CYB561A3: variants seen among roughly 807,000 people sequenced by gnomAD.
CYB561A3 encodes the protein lysosomal membrane ascorbate-dependent ferrireductase CYB561A3.
CYB561A3 carries 16 observed loss-of-function variants against 25.3 expected under a neutral mutation model. The ratio of observed to expected loss-of-function variants is 0.63; its 90% CI spans 0.43 to 0.96. The LOEUF is 0.96. Ranked by LOEUF, CYB561A3 falls within the 40% of genes least tolerant of loss-of-function variation. The pLI is 0.00. For synonymous variants in CYB561A3, 131 were observed against 129.9 expected (o/e 1.01, Z -0.06); for missense variants, 219 against 307.5 (o/e 0.71, Z 2.15).
intron 1 of CYB561A3, chr11:61,358,583 G>A (rs1857729539): frequency 6.6e-6 from 1 of 152,066 alleles, no homozygotes; most frequent in Admixed American, 6.6e-5. Flanking sequence ...AAATTAGCTG[G>A]GCATGGTGGC....
At chr11:61,354,344 GAAAT>G (rs997092993) in intron 3 of CYB561A3, 16 of 259,372 alleles carry the variant, frequency 6.2e-5, no homozygotes, top group East Asian at 1.8e-4. Context: ...GCCACAGAGA[GAAAT>G]AAATAAATAA....
chr11:61,351,083 T>C lies in CYB561A3; in HGVS notation c.613A>G (p.Met205Val). 6.2e-7 allele frequency: 1 copy of C among 1,613,956 alleles called. No homozygotes were observed. The highest frequency in any genetic ancestry group is 8.5e-7 in the Non-Finnish European group (1 of 1,179,962). The change falls in exon 6 of 7, where the codon ATG (methionine) becomes GTG (valine). Residue 205 changes from methionine to valine, a missense_variant. Transcript: ENST00000294072. The part of the protein sequence containing the change: ...SEAVFANSTG[M>V]LVVAFGLLVL... ...AGCAGCCCAAAGGCCACCACCAGCA[T>C]CCCGGTGCTGTTGGCAAAGACCGCC...
intron 3 of CYB561A3, chr11:61,354,377 G>T: frequency 4.6e-6 from 1 of 215,418 alleles, no homozygotes; most frequent in South Asian, 7.3e-5. Context: ...CAATTAAAAA[G>T]GGAGGAGGGC....
intron 5 of CYB561A3, chr11:61,351,655 C>A (rs1857416590): frequency 6.6e-6 from 1 of 152,072 alleles, no homozygotes; most frequent in Admixed American, 6.5e-5. Flanking sequence ...GCGGCTCACT[C>A]TTGTAATCCC....
rs1246451603 is a variant in CYB561A3, at chr11:61,349,320, G to A, written c.*1079C>T. 3.8e-6 allele frequency: 2 copies of A among 520,764 alleles called. No individual in the cohort carries two copies. Among genetic ancestry groups the A allele is most frequent in the Non-Finnish European group, 7.0e-6 (2 of 285,606 alleles). The allele number at this position is 520,764 out of a possible 1,614,324, so 32.3% of individuals were successfully genotyped here. A position where few individuals can be genotyped will look rare whatever the true frequency, so the allele number is the denominator to read the frequency against. ...TCAGCAAGGAACCCCTCTGAAGGTGGCAGTGGCTCCCAGGGCTGCTGCACA... is the reference window on the plus strand; with the variant it reads ...TCAGCAAGGAACCCCTCTGAAGGTGACAGTGGCTCCCAGGGCTGCTGCACA... On this transcript the variant is annotated 3_prime_UTR_variant, in exon 7 of 7. Coordinates refer to ENST00000294072, the MANE Select transcript of CYB561A3 (RefSeq NM_153611.6).
chr11:61,348,768 A>G (rs940121038), downstream of CYB561A3: 1 of 152,544 alleles, frequency 6.6e-6, no homozygotes, highest in African/African-American at 2.4e-5. Flanking sequence ...CACCCAGGCT[A>G]TTATATTTTT....
intron 4 of CYB561A3, chr11:61,353,515 AT>A: frequency 3.0e-6 from 2 of 676,010 alleles, no homozygotes; most frequent in Non-Finnish European, 5.4e-6. Context: ...CAGATGGCTG[AT>A]TAGAGTCAGC....
intron 5 of CYB561A3, chr11:61,352,722 G>T: frequency 9.6e-7 from 1 of 1,037,044 alleles, no homozygotes. Flanking sequence ...ATGATGTAGG[G>T]TGGTTGACAG....
chr11:61,355,730 C>T (rs1857625804), intron 3 of CYB561A3, among the ~76,000 whole-genome samples: 1 of 150,894 alleles, frequency 6.6e-6, no homozygotes, highest in African/African-American at 2.4e-5. Flanking sequence ...GCAAGCAAGT[C>T]CCTCATTCGG....
chr11:61,350,467 G>C (rs1021583073), intron 6 of CYB561A3, 45 bp from the exon 7 acceptor site: 32 of 1,606,276 alleles, frequency 2.0e-5, no homozygotes, highest in Non-Finnish European at 2.7e-5. Context: ...CATGATGCAG[G>C]AGTCACACCA....
At chr11:61,351,862 T>C (rs1857425166) in intron 5 of CYB561A3, 1 of 152,182 alleles carries the variant, frequency 6.6e-6, no homozygotes, top group South Asian at 2.1e-4. Context: ...TGCAGTGAGC[T>C]ATGGTCACAC....
Position 61,349,318 on chromosome 11 carries a change from T to A in CYB561A3, c.*1081A>T. 1.9e-6 allele frequency: 1 copy of A among 518,470 alleles called. No individual in the cohort carries two copies. Among genetic ancestry groups the A allele is most frequent in the Non-Finnish European group, 3.5e-6 (1 of 283,952 alleles). The allele number at this position is 518,470 out of a possible 1,614,324, so 32.1% of individuals were successfully genotyped here. A position where few individuals can be genotyped will look rare whatever the true frequency, so the allele number is the denominator to read the frequency against. Reference sequence around the variant, plus strand: ...TCTCAGCAAGGAACCCCTCTGAAGGTGGCAGTGGCTCCCAGGGCTGCTGCA... The same window carrying A: ...TCTCAGCAAGGAACCCCTCTGAAGGAGGCAGTGGCTCCCAGGGCTGCTGCA... On this transcript the variant is annotated 3_prime_UTR_variant, in exon 7 of 7. Transcript: ENST00000294072.
intron 1 of CYB561A3, chr11:61,359,373 GCCT>G (rs1289628065): frequency 6.6e-6 from 1 of 152,074 alleles, no homozygotes; most frequent in Non-Finnish European, 1.5e-5. Context: ...CCTCAGAACT[GCCT>G]CCTCAATTCC....
At chr11:61,353,559 G>C (rs1163565754) in intron 4 of CYB561A3, 8 of 705,960 alleles carry the variant, frequency 1.1e-5, no homozygotes, top group Non-Finnish European at 2.6e-6. Flanking sequence ...TAGCAGAGAG[G>C]GCTCTGGGAC....
At chr11:61,361,389 T>G (rs1307775810) in intron 1 of CYB561A3, 1 of 152,158 alleles carries the variant, frequency 6.6e-6, no homozygotes, top group African/African-American at 2.4e-5. Context: ...ACCGGAATAA[T>G]TATAGACCCC....
rs1857332563 is a variant in CYB561A3, at chr11:61,350,238, G to T, written c.*161C>A. ...ACCAAGGAAAGCAGACAGGCAGCAA[G>T]CGGCCGGAGAGGGCAGGCCAGCACC... On this transcript the variant is annotated 3_prime_UTR_variant, in exon 7 of 7. Coordinates refer to ENST00000294072, the MANE Select transcript of CYB561A3 (RefSeq NM_153611.6). The T allele has an allele frequency of 1.1e-6, 1 of 893,608 alleles. No individual in the cohort carries two copies. The highest frequency in any genetic ancestry group is 1.7e-6 in the Non-Finnish European group (1 of 596,692). The allele number at this position is 893,608 out of a possible 1,614,324, so 55.4% of individuals were successfully genotyped here. A position where few individuals can be genotyped will look rare whatever the true frequency, so the allele number is the denominator to read the frequency against.
In CYB561A3 at chr11:61,354,009, T is replaced by G. The variant is rs1168703359; in HGVS notation, c.185-17A>C. 1.2e-6 allele frequency: 2 copies of G among 1,613,398 alleles called. No homozygotes were observed. Among genetic ancestry groups the G allele is most frequent in the Non-Finnish European group, 1.7e-6 (2 of 1,179,858 alleles). The stretch of plus-strand genomic sequence containing the variant: ...CCAGTGACGCTGCAGGAGAGAGTAG[T>G]GCCAGGGCTCAGCCTCTCCCCTCGA... On this transcript the variant is annotated splice_polypyrimidine_tract_variant and intron_variant, in intron 3 of 6. Transcript: ENST00000294072.
chr11:61,353,025 A>T lies in CYB561A3; in HGVS notation c.508T>A (p.Ser170Thr). Residue 170 changes from serine (S) to threonine (T), a missense_variant, in exon 5 of 7, where the codon TCC (serine) becomes ACC (threonine). By Grantham distance (58) the Ser-to-Thr change is moderately conservative. Coordinates refer to ENST00000294072, the MANE Select transcript of CYB561A3 (RefSeq NM_153611.6). ...TTCTCATTAATGCCCGAAATGACGG[A>T]TGCGATGGACAGAGAGAGGATGGCG... ...GAAILSLSIA[S>T]VISGINEKLF... 6.2e-7 allele frequency: 1 copy of T among 1,614,182 alleles called. No individual in the cohort carries two copies. Among genetic ancestry groups the T allele is most frequent in the East Asian group, 2.2e-5 (1 of 44,884 alleles).
Position 61,351,284 on chromosome 11 carries a change from CTTTTTTTTTTT to C in CYB561A3, c.549-148_549-138del, listed in dbSNP as rs909648792. 8 of 293,460 alleles carry C rather than the reference CTTTTTTTTTTT, an allele frequency of 2.7e-5. No homozygotes were observed. In the Admixed American group the frequency reaches 2.8e-4, roughly 10 times the overall value. The allele number at this position is 293,460 out of a possible 1,614,324, so 18.2% of individuals were successfully genotyped here. A position where few individuals can be genotyped will look rare whatever the true frequency, so the allele number is the denominator to read the frequency against. On this transcript the variant is annotated intron_variant, in intron 5 of 6. Transcript: ENST00000294072. The stretch of plus-strand genomic sequence containing the variant: ...GTGATCTAGAATTTTAACACCCTTT[CTTTTTTTTTTT>C]TTTTTTTTTTTTGAGGCAGAGTCTT...
Sources: gnomAD v4.1 joint callset for allele counts (sites outside exome capture counted in the v4.1 genomes callset) on GRCh38, gnomAD v4.1.1 for gene constraint, MANE v1.5 for transcripts, NCBI Gene and HGNC (gene_info 2026-07-23, HGNC 2026-07-21) for gene names.